INSL6: variants seen among roughly 807,000 people sequenced by gnomAD.
INSL6 encodes insulin-like peptide INSL6.
A neutral mutation model predicts 9.4 loss-of-function variants in INSL6; 16 were observed. The observed-to-expected ratio is 1.70, with a 90% CI of 1.15 to 2.59. The LOEUF (loss-of-function observed/expected upper bound fraction) is 2.59, where lower values mean the gene tolerates loss of function less well. INSL6 is among the 30% of genes most tolerant of loss of function. The pLI, the probability that INSL6 is intolerant of heterozygous loss-of-function variation, is 0.00. For missense variants in INSL6, 391 were observed against 257.3 expected (o/e 1.52, Z -3.56); for synonymous variants, 154 against 96.9 (o/e 1.59, Z -3.46).
At chr9:5,018,769 A>T in the INSL6 span, among the ~76,000 whole-genome samples, 1 of 152,280 alleles carries the variant, frequency 6.6e-6, no homozygotes, top group Non-Finnish European at 1.5e-5. Flanking sequence ...AATGAAGGAT[A>T]ATTTTGCTGG....
the INSL6 span, chr9:5,090,327 T>C: frequency 2.9e-6 from 2 of 698,314 alleles, no homozygotes; most frequent in Non-Finnish European, 4.2e-6. Flanking sequence ...TAATGTATAA[T>C]AAAGTTTTGT....
intron 1 of INSL6, among the ~76,000 whole-genome samples, chr9:5,181,459 AAG>A (rs1417180887): frequency 6.6e-6 from 1 of 152,152 alleles, no homozygotes; most frequent in East Asian, 1.9e-4. Context: ...TAGAGAAAAA[AAG>A]ACTTACTGAG....
chr9:5,105,901 G>C, the INSL6 span, among the ~76,000 whole-genome samples: 2 of 152,102 alleles, frequency 1.3e-5, no homozygotes, highest in Non-Finnish European at 2.9e-5. Flanking sequence ...ACACCTTATA[G>C]AAAAATTAAT....
chr9:5,170,465 C>T (rs911692684), intron 1 of INSL6, among the ~76,000 whole-genome samples: 2 of 151,152 alleles, frequency 1.3e-5, no homozygotes, highest in Non-Finnish European at 2.9e-5. Flanking sequence ...AAACAAACCC[C>T]AAAACTAGAG....
At chr9:5,066,714 T>C in the INSL6 span, 1 of 1,610,420 alleles carries the variant, frequency 6.2e-7, no homozygotes. Flanking sequence ...AGAAAGCAGG[T>C]AATCAGACTG....
chr9:5,137,399 A>G (rs1408587162), intron 2 of INSL6, among the ~76,000 whole-genome samples: 1 of 152,230 alleles, frequency 6.6e-6, no homozygotes, highest in Admixed American at 6.5e-5. Flanking sequence ...ACAAAACAGC[A>G]TGGTATTGGT....
the INSL6 span, chr9:5,114,624 G>A: frequency 2.1e-6 from 1 of 484,798 alleles, no homozygotes; most frequent in Non-Finnish European, 4.1e-6. Context: ...GCAGCTCCCG[G>A]ACACTTGGCA....
chr9:5,042,204 C>CT, the INSL6 span, among the ~76,000 whole-genome samples: 255 of 145,360 alleles, frequency 1.8e-3, 2 homozygotes, highest in Non-Finnish European at 3.0e-3. Flanking sequence ...GTGGCGCAAT[C>CT]TCGGCTCACT....
chr9:5,156,200 A>G (rs1035398844), intron 2 of INSL6, among the ~76,000 whole-genome samples: 1 of 152,234 alleles, frequency 6.6e-6, no homozygotes. Context: ...TAACTTTTCA[A>G]AAATTTAATT....
At chr9:5,003,822 AT>A in the INSL6 span, among the ~76,000 whole-genome samples, 2 of 151,178 alleles carry the variant, frequency 1.3e-5, no homozygotes. Context: ...ACCATTAGGT[AT>A]ATTGTTTTTT....
intron 2 of INSL6, among the ~76,000 whole-genome samples, chr9:5,155,624 A>T (rs948986003): frequency 6.6e-6 from 1 of 152,154 alleles, no homozygotes; most frequent in Non-Finnish European, 1.5e-5. Context: ...TTGCAGGGAC[A>T]TGAATGACAC....
chr9:5,075,908 G>A, the INSL6 span, among the ~76,000 whole-genome samples: 1 of 152,136 alleles, frequency 6.6e-6, no homozygotes, highest in African/African-American at 2.4e-5. Context: ...AGCATTCATG[G>A]TTCATGGAAG....
the INSL6 span, chr9:5,089,670 T>A: frequency 7.4e-7 from 1 of 1,344,394 alleles, no homozygotes; most frequent in Non-Finnish European, 9.6e-7. Context: ...GATGTGTCAT[T>A]TAGGGTAATT....
At chr9:5,020,352 T>G in the INSL6 span, among the ~76,000 whole-genome samples, 1 of 152,152 alleles carries the variant, frequency 6.6e-6, no homozygotes, top group Non-Finnish European at 1.5e-5. Context: ...ATAACATGCT[T>G]GGATACGTGG....
At chr9:5,000,091 C>A in the INSL6 span, among the ~76,000 whole-genome samples, 2 of 151,862 alleles carry the variant, frequency 1.3e-5, no homozygotes, top group African/African-American at 4.8e-5. Context: ...TGTTCATTTT[C>A]ATATTAAATT....
the INSL6 span, among the ~76,000 whole-genome samples, chr9:5,005,390 T>C: frequency 6.6e-6 from 1 of 152,130 alleles, no homozygotes; most frequent in Non-Finnish European, 1.5e-5. Context: ...CTTGAAAATA[T>C]TTTCTCCTGT....
At chr9:5,015,604 A>G in the INSL6 span, among the ~76,000 whole-genome samples, 1 of 151,710 alleles carries the variant, frequency 6.6e-6, no homozygotes, top group Non-Finnish European at 1.5e-5. Flanking sequence ...GCATGAGCAC[A>G]ATCACTGCTC....
the INSL6 span, among the ~76,000 whole-genome samples, chr9:5,044,694 G>A: frequency 1.2e-4 from 18 of 152,112 alleles, no homozygotes; most frequent in African/African-American, 4.3e-4. Flanking sequence ...TAATCCCATG[G>A]TTTATGGATA....
chr9:5,181,724 TTTGA>T lies in INSL6; in HGVS notation c.289+3586_289+3589del, dbSNP rs565414522. Among the ~76,000 whole-genome samples, 293 of 152,310 alleles carry T rather than the reference TTTGA, an allele frequency of 1.9e-3. 1 individual carries two copies. Among genetic ancestry groups the T allele is most frequent in the South Asian group, 6.6e-3 (32 of 4,822 alleles). ...ACAACTAGTTGTTACTGTATCTAGA[TTTGA>T]TTAACTCCTATAAACCAACTGGAAA... On this transcript the variant is annotated intron_variant, in intron 1 of 1. Coordinates refer to ENST00000381641, the MANE Select transcript of INSL6 (RefSeq NM_007179.3).
Sources: gnomAD v4.1 joint callset for allele counts (sites outside exome capture counted in the v4.1 genomes callset) on GRCh38, gnomAD v4.1.1 for gene constraint, MANE v1.5 for transcripts, NCBI Gene and HGNC (gene_info 2026-07-23, HGNC 2026-07-21) for gene names.